Variants in NBEA observed in about 807,000 individuals in gnomAD.
NBEA encodes lysosomal-trafficking regulator 2.
A neutral mutation model predicts 343.4 loss-of-function variants in NBEA; 44 were observed. That is an observed-to-expected ratio of 0.13 (90% confidence interval 0.10 to 0.16). The LOEUF is 0.16. NBEA is among the 10% of genes least tolerant of loss of function. The probability of loss-of-function intolerance (pLI) is 1.00; values close to 1 mark genes in which losing one functional copy is unlikely to be tolerated. For missense variants in NBEA, 2,555 were observed against 3,631.3 expected (o/e 0.70, Z 7.62); for synonymous variants, 1,175 against 1,238.7 (o/e 0.95, Z 1.08).
chr13:35,550,978 T>G lies in NBEA; in HGVS notation c.6752T>G (p.Val2251Gly), dbSNP rs2079293340. 1 of 1,612,018 alleles carries G rather than the reference T, an allele frequency of 6.2e-7. No individual in the cohort carries two copies. Among genetic ancestry groups the G allele is most frequent in the Admixed American group, 1.7e-5 (1 of 59,842 alleles). Residue 2251 changes from valine to glycine, a missense_variant, in exon 43 of 59, where the codon GTC (valine) becomes GGC (glycine). Coordinates refer to ENST00000379939, the MANE Select transcript of NBEA (RefSeq NM_001385012.1). ...FPDQATVKKV[V>G]YSLPRVGVGT... The stretch of plus-strand genomic sequence containing the variant: ...GATCAAGCAACAGTAAAAAAAGTTG[T>G]CTATAGCTTGCCTCGGGTTGGAGTA...
chr13:35,030,999 T>C (rs965876306), intron 1 of NBEA, among the ~76,000 whole-genome samples: 7 of 151,470 alleles, frequency 4.6e-5, no homozygotes, highest in Non-Finnish European at 8.9e-5. Flanking sequence ...TTTACATATG[T>C]AATTATTTGG....
At chr13:35,626,659 A>G (rs1289253132) in intron 48 of NBEA, among the ~76,000 whole-genome samples, 2 of 152,174 alleles carry the variant, frequency 1.3e-5, no homozygotes, top group African/African-American at 4.8e-5. Context: ...AAATATTACT[A>G]AATAATTAGA....
chr13:35,045,770 C>G (rs1593571731), intron 4 of NBEA, among the ~76,000 whole-genome samples: 1 of 152,116 alleles, frequency 6.6e-6, no homozygotes, highest in East Asian at 1.9e-4. Context: ...TGCTGTCACC[C>G]AGGCTGGAGT....
chr13:35,422,537 C>A (rs1015897392), intron 38 of NBEA, among the ~76,000 whole-genome samples: 1 of 152,072 alleles, frequency 6.6e-6, no homozygotes, highest in African/African-American at 2.4e-5. Context: ...TTTTCTTAAT[C>A]CAGTCTATCG....
intron 45 of NBEA, among the ~76,000 whole-genome samples, chr13:35,568,443 A>G (rs1165807603): frequency 6.6e-6 from 1 of 152,158 alleles, no homozygotes; most frequent in Admixed American, 6.5e-5. Context: ...ATTCTTAACT[A>G]TTTACCATAT....
At chr13:35,154,192 T>C (rs2068993353) in intron 18 of NBEA, among the ~76,000 whole-genome samples, 1 of 152,184 alleles carries the variant, frequency 6.6e-6, no homozygotes, top group Non-Finnish European at 1.5e-5. Context: ...CCTAATATAC[T>C]TATGTAAATG....
chr13:35,359,232 T>C (rs2040671083), intron 38 of NBEA, among the ~76,000 whole-genome samples: 1 of 152,228 alleles, frequency 6.6e-6, no homozygotes, highest in African/African-American at 2.4e-5. Flanking sequence ...TATTTATAGC[T>C]GAGTTCAAAT....
At chr13:35,020,039 T>A (rs1177457322) in intron 1 of NBEA, among the ~76,000 whole-genome samples, 1 of 152,138 alleles carries the variant, frequency 6.6e-6, no homozygotes, top group Admixed American at 6.5e-5. Flanking sequence ...GTTATATTTT[T>A]TCTTTGACTT....
At chr13:35,186,120 G>A (rs1439602662) in intron 30 of NBEA, 1 of 152,060 alleles carries the variant, frequency 6.6e-6, no homozygotes, top group East Asian at 1.9e-4. Flanking sequence ...CCTGGGCAAT[G>A]TAGTGAGACC....
At chr13:35,456,497 A>G (rs2046585996) in intron 40 of NBEA, among the ~76,000 whole-genome samples, 1 of 152,082 alleles carries the variant, frequency 6.6e-6, no homozygotes, top group Admixed American at 6.6e-5. Flanking sequence ...TATGTGACTA[A>G]AGATTTCAAT....
chr13:35,099,204 T>TG (rs2065501762), intron 11 of NBEA, among the ~76,000 whole-genome samples: 1 of 147,986 alleles, frequency 6.8e-6, no homozygotes, highest in African/African-American at 2.5e-5. Flanking sequence ...TAAAGTTTTT[T>TG]TTTTTTTTTT....
intron 38 of NBEA, among the ~76,000 whole-genome samples, chr13:35,381,869 C>T (rs1017178487): frequency 2.6e-5 from 4 of 151,870 alleles, no homozygotes; most frequent in Admixed American, 2.0e-4. Context: ...ATTATTATAC[C>T]GGTGTTGCTT....
chr13:35,113,438 C>G (rs535677565), intron 13 of NBEA, among the ~76,000 whole-genome samples: 1 of 152,200 alleles, frequency 6.6e-6, no homozygotes, highest in South Asian at 2.1e-4. Context: ...ATAGCCTGTT[C>G]TTCAACAAAG....
chr13:35,143,898 A>C lies in NBEA; in HGVS notation c.2445+1521A>C, dbSNP rs557953420. Among the ~76,000 whole-genome samples, 22 of 148,748 alleles carry C rather than the reference A, an allele frequency of 1.5e-4. 1 individual carries two copies. Among genetic ancestry groups the C allele is most frequent in the African/African-American group, 5.6e-4 (22 of 39,276 alleles). On this transcript the variant is annotated intron_variant, in intron 18 of 58. Coordinates refer to ENST00000379939, the MANE Select transcript of NBEA (RefSeq NM_001385012.1). Reference sequence around the variant, plus strand: ...GTGAGACCCTGTCCCCTTCAAAAAAAAAAACAAAAAAAAAAACAAAAACAA... The same window carrying C: ...GTGAGACCCTGTCCCCTTCAAAAAACAAAACAAAAAAAAAAACAAAAACAA...
At chr13:35,184,523 T>C (rs1164087230) in intron 30 of NBEA, among the ~76,000 whole-genome samples, 1 of 151,818 alleles carries the variant, frequency 6.6e-6, no homozygotes, top group Non-Finnish European at 1.5e-5. Context: ...ACCATAAAAT[T>C]AAATATTAGA....
chr13:34,976,510 A>G (rs2152503095), intron 1 of NBEA, among the ~76,000 whole-genome samples: 1 of 152,296 alleles, frequency 6.6e-6, no homozygotes, highest in African/African-American at 2.4e-5. Context: ...AAACTCAGAA[A>G]TCACCAGTAA....
chr13:35,046,788 G>T (rs749911469), intron 4 of NBEA, among the ~76,000 whole-genome samples: 4 of 152,050 alleles, frequency 2.6e-5, no homozygotes, highest in Non-Finnish European at 5.9e-5. Context: ...GACTGTGGTT[G>T]ACCATGGGTA....
chr13:34,988,974 C>G (rs1593378983), intron 1 of NBEA, among the ~76,000 whole-genome samples: 1 of 150,964 alleles, frequency 6.6e-6, no homozygotes, highest in East Asian at 1.9e-4. Flanking sequence ...GGCCTTCTAT[C>G]TTACTACTAT....
At chr13:35,262,053 T>G (rs545050934) in intron 34 of NBEA, among the ~76,000 whole-genome samples, 19 of 152,208 alleles carry the variant, frequency 1.2e-4, no homozygotes, top group Non-Finnish European at 2.4e-4. Flanking sequence ...AAATGCCAGA[T>G]GAGCACATAG....
Sources: gnomAD v4.1 joint callset for allele counts (sites outside exome capture counted in the v4.1 genomes callset) on GRCh38, gnomAD v4.1.1 for gene constraint, MANE v1.5 for transcripts, NCBI Gene and HGNC (gene_info 2026-07-23, HGNC 2026-07-21) for gene names.